The following BRAF variants were observed in gnomAD, a reference collection of about 807,000 sequenced individuals.
The protein encoded by BRAF is serine/threonine-protein kinase B-raf.
A neutral mutation model predicts 104.6 loss-of-function variants in BRAF; 16 were observed. That is an observed-to-expected ratio of 0.15 (90% CI 0.10 to 0.23). The LOEUF is 0.23. BRAF is among the 10% of genes least tolerant of loss of function. The pLI, the probability that BRAF is intolerant of heterozygous loss-of-function variation, is 1.00. For missense variants in BRAF, 541 were observed against 937.3 expected (o/e 0.58, Z 5.52); for synonymous variants, 310 against 341.6 (o/e 0.91, Z 1.02).
At chr7:140,827,697 G>A (rs1806213864) in intron 3 of BRAF, among the ~76,000 whole-genome samples, 1 of 152,128 alleles carries the variant, frequency 6.6e-6, no homozygotes, top group African/African-American at 2.4e-5. Context: ...GTTCCAGAGT[G>A]ACAAACTGGC....
intron 17 of BRAF, among the ~76,000 whole-genome samples, chr7:140,743,274 G>A (rs1412348423): frequency 2.6e-5 from 4 of 151,348 alleles, no homozygotes; most frequent in Non-Finnish European, 4.4e-5. Context: ...ACATGCACAC[G>A]TATGTTTATA....
chr7:140,842,179 A>C (rs1808038008), intron 2 of BRAF, among the ~76,000 whole-genome samples: 1 of 152,220 alleles, frequency 6.6e-6, no homozygotes. Flanking sequence ...TGTAAGAATG[A>C]TACGGTGATT....
intron 3 of BRAF, among the ~76,000 whole-genome samples, chr7:140,817,276 T>C (rs1209603026): frequency 6.6e-6 from 1 of 152,082 alleles, no homozygotes; most frequent in Non-Finnish European, 1.5e-5. Context: ...ATGAAAACTA[T>C]AAAACACTGA....
intron 14 of BRAF, among the ~76,000 whole-genome samples, chr7:140,770,554 T>C (rs1252864029): frequency 7.5e-6 from 1 of 133,278 alleles, no homozygotes; most frequent in Non-Finnish European, 1.6e-5. Flanking sequence ...AAAGGCACAA[T>C]GTACTGACCA....
At chr7:140,788,188 A>C (rs1293832286) in intron 8 of BRAF, among the ~76,000 whole-genome samples, 1 of 152,188 alleles carries the variant, frequency 6.6e-6, no homozygotes, top group Non-Finnish European at 1.5e-5. Flanking sequence ...TCCTTAAAAA[A>C]AATTATACTG....
At chr7:140,760,029 G>C (rs1210805694) in intron 14 of BRAF, among the ~76,000 whole-genome samples, 1 of 152,190 alleles carries the variant, frequency 6.6e-6, no homozygotes, top group Non-Finnish European at 1.5e-5. Context: ...AACTGTATCA[G>C]ATGTTTCTGA....
At chr7:140,835,048 A>C (rs1807178229) in intron 2 of BRAF, 176 bp from the exon 3 acceptor site, 4 of 703,128 alleles carry the variant, frequency 5.7e-6, no homozygotes, top group South Asian at 5.6e-5. Flanking sequence ...CTTTAAATTG[A>C]TAAATTCTTT....
In BRAF at chr7:140,850,224, T is replaced by G. The variant is rs1809011948; in HGVS notation, c.139-12A>C. 6.4e-7 allele frequency: 1 copy of G among 1,554,942 alleles called. No individual in the cohort carries two copies. Among genetic ancestry groups the G allele is most frequent in the Non-Finnish European group, 8.9e-7 (1 of 1,129,266 alleles). Reference sequence around the variant, plus strand: ...TTGATATTCCACACCTAAAAAATATTTCAAAAGAATTTAAATAAAAATCAC... The same window carrying G: ...TTGATATTCCACACCTAAAAAATATGTCAAAAGAATTTAAATAAAAATCAC... On this transcript the variant is annotated splice_polypyrimidine_tract_variant and intron_variant, in intron 1 of 19. Coordinates refer to ENST00000644969, the MANE Select transcript of BRAF (RefSeq NM_001374258.1).
At chr7:140,922,053 A>G (rs1818281478) in intron 1 of BRAF, among the ~76,000 whole-genome samples, 1 of 152,212 alleles carries the variant, frequency 6.6e-6, no homozygotes, top group Admixed American at 6.5e-5. Context: ...TTTACATTCA[A>G]GAGATACATT....
chr7:140,828,648 T>C (rs1186447091), intron 3 of BRAF, among the ~76,000 whole-genome samples: 1 of 152,210 alleles, frequency 6.6e-6, no homozygotes, highest in African/African-American at 2.4e-5. Flanking sequence ...GGTGTGGCTG[T>C]ACCATGATTT....
rs527501264 is a variant in BRAF at position 140,839,771 on chromosome 7, C to T, written c.241-4899G>A. 4.2e-4 allele frequency among the ~76,000 whole-genome samples: 64 copies of T among 152,226 alleles called. 1 individual carries two copies. The highest frequency in any genetic ancestry group is 1.5e-3 in the African/African-American group (61 of 41,526). On this transcript the variant is annotated intron_variant, in intron 2 of 19. Transcript: ENST00000644969. ...AAGAATAAAAGAAATGCAATTATGG[C>T]CTTTTATCTCCTTTTCACCAGACAT...
At chr7:140,845,314 T>C (rs1014681675) in intron 2 of BRAF, among the ~76,000 whole-genome samples, 6 of 152,172 alleles carry the variant, frequency 3.9e-5, no homozygotes, top group African/African-American at 9.7e-5. Flanking sequence ...GATTTGGTGA[T>C]GATTTCTTGG....
Position 140,883,367 on chromosome 7 carries a change from G to GT in BRAF, c.139-33156dup, listed in dbSNP as rs1554420962. Among the ~76,000 whole-genome samples the GT allele has an allele frequency of 9.9e-5, 15 of 152,254 alleles. No homozygotes were observed. The South Asian group carries it at 3.1e-3, about 32-fold the overall frequency. On this transcript the variant is annotated intron_variant, in intron 1 of 19. Transcript: ENST00000644969. ...TTTATTTATTTTTCCAGTTAGCCAT[G>GT]TAAGCTTTCTCAGGCTTGGCCTTTA...
At chr7:140,860,599 C>T (rs1004461424) in intron 1 of BRAF, among the ~76,000 whole-genome samples, 1 of 151,854 alleles carries the variant, frequency 6.6e-6, no homozygotes, top group Non-Finnish European at 1.5e-5. Context: ...TACAATAAGA[C>T]AGGAATGCAT....
chr7:140,896,189 C>T (rs891322588), intron 1 of BRAF, among the ~76,000 whole-genome samples: 1 of 152,284 alleles, frequency 6.6e-6, no homozygotes. Flanking sequence ...TGATACCACA[C>T]TGTGGTTTCA....
At chr7:140,866,247 T>A (rs1423120648) in intron 1 of BRAF, among the ~76,000 whole-genome samples, 1 of 152,238 alleles carries the variant, frequency 6.6e-6, no homozygotes, top group Non-Finnish European at 1.5e-5. Context: ...ATACATATCA[T>A]GTTTCCTGCG....
At chr7:140,740,032 T>G (rs1796778434) in intron 17 of BRAF, 86 bp from the exon 17 acceptor site, 4 of 1,415,380 alleles carry the variant, frequency 2.8e-6, no homozygotes, top group Non-Finnish European at 3.9e-6. Flanking sequence ...CACAATAAGC[T>G]GTACATTTAC....
At chr7:140,812,571 A>C (rs1299267049) in intron 3 of BRAF, among the ~76,000 whole-genome samples, 1 of 152,182 alleles carries the variant, frequency 6.6e-6, no homozygotes, top group Non-Finnish European at 1.5e-5. Context: ...ATCAACAGGC[A>C]AAAATTTGGT....
At chr7:140,795,537 C>G (rs1057435747) in intron 7 of BRAF, among the ~76,000 whole-genome samples, 2 of 151,748 alleles carry the variant, frequency 1.3e-5, no homozygotes, top group Non-Finnish European at 2.9e-5. Flanking sequence ...TTTTGTGAGA[C>G]GTGAGGAATG....
Sources: gnomAD v4.1 joint callset for allele counts (sites outside exome capture counted in the v4.1 genomes callset) on GRCh38, gnomAD v4.1.1 for gene constraint, MANE v1.5 for transcripts, NCBI Gene and HGNC (gene_info 2026-07-23, HGNC 2026-07-21) for gene names.